Variants in ASIC2 observed in about 807,000 individuals in gnomAD.
The protein encoded by ASIC2 is acid sensing ion channel subunit 2.
A neutral mutation model predicts 57.3 loss-of-function variants in ASIC2; 25 were observed. The observed-to-expected ratio is 0.44, with a 90% CI of 0.32 to 0.61. The LOEUF (loss-of-function observed/expected upper bound fraction) is 0.61. ASIC2 is among the 20% of genes least tolerant of loss of function. The pLI, the probability that ASIC2 is intolerant of heterozygous loss-of-function variation, is 0.06. For missense variants in ASIC2, 641 were observed against 738.1 expected (o/e 0.87, Z 1.52); for synonymous variants, 319 against 307.5 (o/e 1.04, Z -0.39).
chr17:34,128,059 G>A (rs887251675), intron 1 of ASIC2, among the ~76,000 whole-genome samples: 6 of 152,104 alleles, frequency 3.9e-5, no homozygotes, highest in Non-Finnish European at 5.9e-5. Flanking sequence ...CACATCCCAC[G>A]GGTGCCTAAC....
chr17:33,614,521 C>T (rs570375562), intron 1 of ASIC2, among the ~76,000 whole-genome samples: 1 of 152,260 alleles, frequency 6.6e-6, no homozygotes, highest in South Asian at 2.1e-4. Context: ...GGAGATGGTA[C>T]CAAAATACAT....
intron 1 of ASIC2, among the ~76,000 whole-genome samples, chr17:33,165,114 A>G (rs2142043014): frequency 6.6e-6 from 1 of 152,302 alleles, no homozygotes; most frequent in South Asian, 2.1e-4. Flanking sequence ...GAGGCCCCAC[A>G]TGGCCCTGGG....
chr17:33,591,404 A>G (rs1567662909), intron 1 of ASIC2, among the ~76,000 whole-genome samples: 2 of 152,140 alleles, frequency 1.3e-5, no homozygotes, highest in East Asian at 1.9e-4. Flanking sequence ...CCCAGCAGAC[A>G]TGGTTAATCC....
chr17:33,196,026 C>A (rs371807259), intron 1 of ASIC2, among the ~76,000 whole-genome samples: 1 of 152,100 alleles, frequency 6.6e-6, no homozygotes, highest in African/African-American at 2.4e-5. Flanking sequence ...TGCTGTGTGC[C>A]GGATACCCCG....
chr17:33,231,465 G>T (rs1908088802), intron 1 of ASIC2, among the ~76,000 whole-genome samples: 1 of 152,164 alleles, frequency 6.6e-6, no homozygotes, highest in African/African-American at 2.4e-5. Context: ...GAAGCATGGG[G>T]TCTGGGTCCT....
chr17:33,567,294 G>A (rs1331900655), intron 1 of ASIC2, among the ~76,000 whole-genome samples: 3 of 152,164 alleles, frequency 2.0e-5, no homozygotes, highest in Non-Finnish European at 4.4e-5. Flanking sequence ...GCCCCAGGGT[G>A]AGAACAATTC....
At chr17:33,791,375 C>A (rs1045048091) in intron 1 of ASIC2, among the ~76,000 whole-genome samples, 1 of 152,146 alleles carries the variant, frequency 6.6e-6, no homozygotes, top group African/African-American at 2.4e-5. Flanking sequence ...TGTAAATAGG[C>A]TATCAGGTTG....
chr17:33,200,209 T>C (rs1007891513), intron 1 of ASIC2, among the ~76,000 whole-genome samples: 2 of 152,178 alleles, frequency 1.3e-5, no homozygotes, highest in African/African-American at 4.8e-5. Context: ...TCTTCTTCTC[T>C]CTTGGACTGA....
rs370870037 is a variant in ASIC2 at position 33,895,994 on chromosome 17, C to T, written c.555+259984G>A. Among the ~76,000 whole-genome samples the T allele has an allele frequency of 4.0e-5, 6 of 150,002 alleles. No individual in the cohort carries two copies. In the South Asian group the frequency reaches 6.4e-4, roughly 16 times the overall value. On this transcript the variant is annotated intron_variant, in intron 1 of 9. Transcript: ENST00000359872. Reference sequence around the variant, plus strand: ...AGCTGCCCTGTCAGGGTAATTATGACGATTAAATGAGATTAAAAAAAAATG... The same window carrying T: ...AGCTGCCCTGTCAGGGTAATTATGATGATTAAATGAGATTAAAAAAAAATG...
intron 1 of ASIC2, among the ~76,000 whole-genome samples, chr17:33,776,090 G>A (rs1436407000): frequency 2.1e-5 from 3 of 144,540 alleles, no homozygotes; most frequent in African/African-American, 7.8e-5. Context: ...TCAAGATCAT[G>A]CCACTACACT....
intron 1 of ASIC2, among the ~76,000 whole-genome samples, chr17:34,121,984 T>A (rs1035689615): frequency 1.1e-5 from 1 of 87,842 alleles, no homozygotes; most frequent in Admixed American, 1.4e-4. Context: ...CACAGTACAT[T>A]TCTACCAGGG....
At chr17:33,227,069 C>G (rs1394962172) in intron 1 of ASIC2, among the ~76,000 whole-genome samples, 1 of 151,908 alleles carries the variant, frequency 6.6e-6, no homozygotes, top group Non-Finnish European at 1.5e-5. Flanking sequence ...TAGAGCACAT[C>G]TCAGTTAGGA....
intron 1 of ASIC2, among the ~76,000 whole-genome samples, chr17:33,233,534 ACACAC>A (rs1908185637): frequency 6.6e-6 from 1 of 150,982 alleles, no homozygotes; most frequent in African/African-American, 2.4e-5. Context: ...ACACACACAC[ACACAC>A]ACACACACAC....
At chr17:33,918,634 A>G (rs1026538725) in intron 1 of ASIC2, among the ~76,000 whole-genome samples, 1 of 152,270 alleles carries the variant, frequency 6.6e-6, no homozygotes, top group African/African-American at 2.4e-5. Flanking sequence ...ACAAAAAAGT[A>G]GAATTATAAG....
At chr17:33,141,973 A>C (rs1168069985) in intron 1 of ASIC2, among the ~76,000 whole-genome samples, 2 of 152,254 alleles carry the variant, frequency 1.3e-5, no homozygotes, top group African/African-American at 4.8e-5. Context: ...TTACAAAATG[A>C]AATCGTATCT....
intron 1 of ASIC2, among the ~76,000 whole-genome samples, chr17:33,304,866 G>T (rs116513981): frequency 4.6e-5 from 7 of 152,018 alleles, no homozygotes; most frequent in Non-Finnish European, 1.0e-4. Context: ...GACCTGGTTT[G>T]GTGCCCTTGA....
chr17:33,021,409 G>T, intron 6 of ASIC2, 99 bp from the exon 7 acceptor site: 2 of 1,022,806 alleles, frequency 2.0e-6, no homozygotes, highest in Non-Finnish European at 2.8e-6. Context: ...AGAAAAGGAG[G>T]CCCAGGAAGT....
chr17:33,428,773 C>G (rs1426837994), intron 1 of ASIC2, among the ~76,000 whole-genome samples: 1 of 152,166 alleles, frequency 6.6e-6, no homozygotes, highest in Admixed American at 6.5e-5. Flanking sequence ...CTTCCTCCCA[C>G]CCACCATTGT....
intron 1 of ASIC2, among the ~76,000 whole-genome samples, chr17:33,370,046 C>T (rs942561669): frequency 6.6e-6 from 1 of 152,088 alleles, no homozygotes; most frequent in East Asian, 1.9e-4. Context: ...ATGATGCAAC[C>T]AATGATGTGG....
Sources: gnomAD v4.1 joint callset for allele counts (sites outside exome capture counted in the v4.1 genomes callset) on GRCh38, gnomAD v4.1.1 for gene constraint, MANE v1.5 for transcripts, NCBI Gene and HGNC (gene_info 2026-07-23, HGNC 2026-07-21) for gene names.